The following MAPRE2 variants were observed in gnomAD, a reference collection of about 807,000 sequenced individuals.
MAPRE2 encodes microtubule-associated protein RP/EB family member 2.
MAPRE2 carries 13 observed loss-of-function variants against 43.2 expected under a neutral mutation model. The observed-to-expected ratio is 0.30, with a 90% CI of 0.20 to 0.48. The LOEUF (loss-of-function observed/expected upper bound fraction) is 0.48, where lower values mean the gene tolerates loss of function less well. Ranked by LOEUF, MAPRE2 falls within the 20% of genes least tolerant of loss-of-function variation. MAPRE2 has a pLI of 0.99. For missense variants in MAPRE2, 161 were observed against 400.2 expected, an observed-to-expected ratio of 0.40 and a Z score of 5.10; for synonymous variants, 135 against 148.8, an observed-to-expected ratio of 0.91 and a Z score of 0.68.
At chr18:35,001,177 G>A (rs2097029133) in intron 1 of MAPRE2, among the ~76,000 whole-genome samples, 1 of 152,112 alleles carries the variant, frequency 6.6e-6, no homozygotes. Flanking sequence ...AAAATTCCTA[G>A]ATAGTGTGAA....
intron 1 of MAPRE2, among the ~76,000 whole-genome samples, chr18:34,990,045 T>C (rs1172352437): frequency 6.6e-6 from 1 of 152,202 alleles, no homozygotes; most frequent in Non-Finnish European, 1.5e-5. Context: ...CCCCAGATTC[T>C]AGCACAGTGC....
intron 2 of MAPRE2, among the ~76,000 whole-genome samples, chr18:35,081,606 A>G (rs1164956904): frequency 6.6e-6 from 1 of 151,816 alleles, no homozygotes; most frequent in Non-Finnish European, 1.5e-5. Flanking sequence ...AAGCTAGAGG[A>G]CTGGACTGGG....
chr18:35,013,502 T>C (rs940588506), intron 2 of MAPRE2, among the ~76,000 whole-genome samples: 7 of 152,206 alleles, frequency 4.6e-5, no homozygotes, highest in Admixed American at 4.6e-4. Flanking sequence ...ATGTAAAATA[T>C]TTATAATTTC....
chr18:34,986,983 A>T lies in MAPRE2; in HGVS notation c.-70+9904A>T, dbSNP rs562352755. Reference sequence around the variant, plus strand: ...TGGTCTGTAAAAGATCTGAGGTTATATTTATGAGATAATGAATTAAAAATG... The same window carrying T: ...TGGTCTGTAAAAGATCTGAGGTTATTTTTATGAGATAATGAATTAAAAATG... On this transcript the variant is annotated intron_variant, in intron 1 of 7. Coordinates refer to the MAPRE2 transcript ENST00000413393. Among the ~76,000 whole-genome samples, 3 of 152,324 alleles carry T rather than the reference A, an allele frequency of 2.0e-5. No homozygotes were observed. The East Asian group carries it at 5.8e-4, about 29-fold the overall frequency.
intron 2 of MAPRE2, among the ~76,000 whole-genome samples, chr18:35,082,682 T>C (rs911716580): frequency 3.9e-5 from 6 of 152,128 alleles, no homozygotes; most frequent in African/African-American, 1.4e-4. Flanking sequence ...GCTCATTGAG[T>C]ACTTGTTTTA....
intron 1 of MAPRE2, among the ~76,000 whole-genome samples, chr18:35,064,682 C>T (rs1265407486): frequency 1.3e-5 from 2 of 152,164 alleles, no homozygotes; most frequent in African/African-American, 4.8e-5. Context: ...TAGGCTAACT[C>T]AGGTCTCATT....
chr18:35,097,370 C>G (rs1367407844), intron 2 of MAPRE2, 76 bp from the exon 3 acceptor site: 4 of 1,375,098 alleles, frequency 2.9e-6, no homozygotes, highest in Non-Finnish European at 4.1e-6. Flanking sequence ...AGGACAATCC[C>G]CTTCCAGCCT....
At chr18:35,097,662 T>C in intron 3 of MAPRE2, 71 bp downstream of exon 3, 1 of 1,389,776 alleles carries the variant, frequency 7.2e-7, no homozygotes. Context: ...AATGCAAAAG[T>C]CCAGGAGCAT....
intron 2 of MAPRE2, among the ~76,000 whole-genome samples, chr18:35,035,455 A>G (rs939158869): frequency 1.1e-4 from 17 of 151,994 alleles, no homozygotes; most frequent in African/African-American, 3.6e-4. Context: ...TGACACATGT[A>G]TACATATGTA....
At chr18:35,071,485 T>A (rs748840467) in intron 2 of MAPRE2, among the ~76,000 whole-genome samples, 1 of 152,208 alleles carries the variant, frequency 6.6e-6, no homozygotes, top group Non-Finnish European at 1.5e-5. Context: ...ACAGGGAATG[T>A]TTCCTTCCAG....
chr18:35,005,689 C>T, intron 2 of MAPRE2: 1 of 483,264 alleles, frequency 2.1e-6, no homozygotes, highest in South Asian at 5.2e-5. Context: ...AGTAAATATG[C>T]TCTTTTAAAA....
chr18:34,985,542 A>AT (rs2097020195), intron 1 of MAPRE2, among the ~76,000 whole-genome samples: 2 of 63,994 alleles, frequency 3.1e-5, no homozygotes, highest in African/African-American at 1.4e-4. Context: ...TATAATATAT[A>AT]ATATATATAT....
rs529906134 is a variant in MAPRE2 at position 35,139,320 on chromosome 18, G to A, written c.910-975G>A. 8.7e-4 allele frequency among the ~76,000 whole-genome samples: 132 copies of A among 152,280 alleles called. 2 individuals are homozygous for A. Among genetic ancestry groups the A allele is most frequent in the Admixed American group, 8.4e-3 (129 of 15,308 alleles). ...CCAGACTGCATCACAGAAGCTGTGTGCCCTTACTGAGGGAACAGGGAACTC... is the reference window on the plus strand; with the variant it reads ...CCAGACTGCATCACAGAAGCTGTGTACCCTTACTGAGGGAACAGGGAACTC... On this transcript the variant is annotated intron_variant, in intron 6 of 6. Transcript: ENST00000300249.
Position 35,141,646 on chromosome 18 carries a change from G to GTCTT in MAPRE2, c.*1279_*1282dup, listed in dbSNP as rs1374793918. On this transcript the variant is annotated 3_prime_UTR_variant, in exon 7 of 7. Transcript: ENST00000300249. ...GTACATTTTCTTAGTCTCTTTCCAA[G>GTCTT]TCTTTGCCTCTTTTTTTTCTTTATT... The GTCTT allele has an allele frequency of 6.6e-6, 1 of 151,888 alleles. No homozygotes were observed. Among genetic ancestry groups the GTCTT allele is most frequent in the Non-Finnish European group, 1.5e-5 (1 of 67,984 alleles). The allele number at this position is 151,888 out of a possible 1,614,324, so 9.4% of individuals were successfully genotyped here. A position where few individuals can be genotyped will look rare whatever the true frequency, so the allele number is the denominator to read the frequency against.
chr18:35,012,707 A>T (rs1007035090), intron 2 of MAPRE2, among the ~76,000 whole-genome samples: 3 of 152,294 alleles, frequency 2.0e-5, no homozygotes, highest in Admixed American at 1.3e-4. Flanking sequence ...ATTCATGGAG[A>T]CAGAAAGTTG....
At chr18:35,133,272 C>T (rs576459590) in intron 6 of MAPRE2, among the ~76,000 whole-genome samples, 27 of 151,348 alleles carry the variant, frequency 1.8e-4, no homozygotes, top group African/African-American at 6.1e-4. Flanking sequence ...TTTTTCACTT[C>T]TTCCAAATAT....
In MAPRE2 at chr18:35,123,034, C is replaced by G. The variant is rs558671523; in HGVS notation, c.611-3914C>G. ...CAGCAGCTGTGCCCTCCCTCCCTGC[C>G]GTGAGCCATGCTGAGCGCCTCCAGC... On this transcript the variant is annotated intron_variant, in intron 4 of 6. Coordinates refer to ENST00000300249, the MANE Select transcript of MAPRE2 (RefSeq NM_014268.4). Among the ~76,000 whole-genome samples, 3 of 152,230 alleles carry G rather than the reference C, an allele frequency of 2.0e-5. No individual in the cohort carries two copies. In the East Asian group the frequency reaches 5.8e-4, roughly 29 times the overall value.
chr18:35,089,261 G>T (rs1322026637), intron 2 of MAPRE2, among the ~76,000 whole-genome samples: 1 of 152,054 alleles, frequency 6.6e-6, no homozygotes, highest in African/African-American at 2.4e-5. Flanking sequence ...GTGGTTTTTG[G>T]TTATAACAAC....
In MAPRE2 at chr18:35,140,151, C is replaced by T. The variant is rs548851424; in HGVS notation, c.910-144C>T. ...GTATCAGACACCGGAAGCTGGGAGACGTTTGCATGGCGAGTTGTGCCTAAC... is the reference window on the plus strand; with the variant it reads ...GTATCAGACACCGGAAGCTGGGAGATGTTTGCATGGCGAGTTGTGCCTAAC... On this transcript the variant is annotated intron_variant, in intron 6 of 6. Coordinates refer to ENST00000300249, the MANE Select transcript of MAPRE2 (RefSeq NM_014268.4). The T allele has an allele frequency of 8.2e-5, 54 of 658,848 alleles. No individual in the cohort carries two copies. The South Asian group carries it at 8.6e-4, about 11-fold the overall frequency. 40.8% of individuals were successfully genotyped at this position (658,848 alleles called of 1,614,324 possible). A position where few individuals can be genotyped will look rare whatever the true frequency, so the allele number is the denominator to read the frequency against.
Sources: gnomAD v4.1 joint callset for allele counts (sites outside exome capture counted in the v4.1 genomes callset) on GRCh38, gnomAD v4.1.1 for gene constraint, MANE v1.5 for transcripts, NCBI Gene and HGNC (gene_info 2026-07-23, HGNC 2026-07-21) for gene names.